The following PTPRT variants were observed in gnomAD, a reference collection of about 807,000 sequenced individuals.
The protein encoded by PTPRT is protein tyrosine phosphatase receptor type T.
In PTPRT, 56 loss-of-function variants were observed where a neutral mutation model predicts 176.8. That is an observed-to-expected ratio of 0.32 (90% CI 0.26 to 0.40). PTPRT has a LOEUF of 0.40. Among genes scored for constraint, PTPRT ranks in the 10% least tolerant of loss-of-function variants. The pLI, the probability that PTPRT is intolerant of heterozygous loss-of-function variation, is 1.00. For synonymous variants in PTPRT, 783 were observed against 739.0 expected (o/e 1.06, Z -0.96); for missense variants, 1,540 against 1,908.2 (o/e 0.81, Z 3.60).
intron 1 of PTPRT, among the ~76,000 whole-genome samples, chr20:43,187,396 AATAAG>A (rs570810227): frequency 4.7e-4 from 72 of 152,310 alleles, no homozygotes; most frequent in African/African-American, 1.5e-3. Context: ...TTAGGAATAA[AATAAG>A]ATAAGTCCAT....
At chr20:42,679,311 A>C (rs80322131) in intron 6 of PTPRT, among the ~76,000 whole-genome samples, 2 of 151,626 alleles carry the variant, frequency 1.3e-5, no homozygotes, top group South Asian at 2.1e-4. Context: ...AAAAAAAAAA[A>C]CTGACAACCT....
intron 11 of PTPRT, among the ~76,000 whole-genome samples, chr20:42,344,084 GA>G (rs1408593612): frequency 6.6e-6 from 1 of 152,112 alleles, no homozygotes; most frequent in Non-Finnish European, 1.5e-5. Context: ...ATTTTTCATA[GA>G]GATGGGTTTA....
intron 7 of PTPRT, among the ~76,000 whole-genome samples, chr20:42,546,270 G>A (rs1290122373): frequency 6.6e-6 from 1 of 152,126 alleles, no homozygotes; most frequent in Non-Finnish European, 1.5e-5. Context: ...ACAAAAAAGG[G>A]GGGAAATAAT....
chr20:43,004,880 C>A (rs910033885), intron 1 of PTPRT, among the ~76,000 whole-genome samples: 12 of 152,098 alleles, frequency 7.9e-5, no homozygotes, highest in African/African-American at 2.7e-4. Flanking sequence ...CAATAGAAAC[C>A]CTAATACATT....
At chr20:42,732,863 G>A (rs1417052271) in intron 6 of PTPRT, among the ~76,000 whole-genome samples, 2 of 152,130 alleles carry the variant, frequency 1.3e-5, no homozygotes, top group Non-Finnish European at 1.5e-5. Flanking sequence ...GAATGCAGAT[G>A]TTCATATTTT....
At chr20:42,780,148 G>A in intron 4 of PTPRT, 70 bp downstream of exon 4, 1 of 1,205,638 alleles carries the variant, frequency 8.3e-7, no homozygotes. Context: ...TGAATGGAAG[G>A]GATTGCAGGC....
At chr20:42,348,178 C>G (rs987805895) in intron 11 of PTPRT, among the ~76,000 whole-genome samples, 2 of 152,066 alleles carry the variant, frequency 1.3e-5, no homozygotes, top group African/African-American at 2.4e-5. Context: ...TCTGTCCTTC[C>G]AGTTGTCCTG....
intron 12 of PTPRT, among the ~76,000 whole-genome samples, chr20:42,290,560 T>A (rs983730865): frequency 2.0e-5 from 3 of 152,116 alleles, no homozygotes; most frequent in African/African-American, 7.2e-5. Context: ...CTGCGTCTGG[T>A]TTTAGCTACT....
intron 7 of PTPRT, among the ~76,000 whole-genome samples, chr20:42,560,805 C>A (rs2072940300): frequency 6.6e-6 from 1 of 152,150 alleles, no homozygotes; most frequent in South Asian, 2.1e-4. Flanking sequence ...AGGCTTCAAG[C>A]ACAATGTGGC....
chr20:42,643,332 A>AT (rs2074806764), intron 7 of PTPRT, among the ~76,000 whole-genome samples: 1 of 151,830 alleles, frequency 6.6e-6, no homozygotes, highest in South Asian at 2.1e-4. Flanking sequence ...TTATTTATTT[A>AT]TTTTTTGAGA....
intron 11 of PTPRT, among the ~76,000 whole-genome samples, chr20:42,338,850 C>A (rs1161644106): frequency 6.6e-6 from 1 of 152,060 alleles, no homozygotes; most frequent in Non-Finnish European, 1.5e-5. Context: ...TCAGACTGAA[C>A]CTCTGAACTG....
At chr20:42,397,398 C>T (rs1439803877) in intron 9 of PTPRT, among the ~76,000 whole-genome samples, 1 of 152,146 alleles carries the variant, frequency 6.6e-6, no homozygotes, top group African/African-American at 2.4e-5. Context: ...GAATCTGTCA[C>T]CCAGGTAGTG....
At chr20:42,259,034 G>A (rs140323275) in intron 13 of PTPRT, among the ~76,000 whole-genome samples, 64 of 152,308 alleles carry the variant, frequency 4.2e-4, no homozygotes, top group African/African-American at 1.5e-3. Context: ...AGTTGCCCTC[G>A]TTTTCGGCCT....
chr20:43,038,711 C>T (rs1986484176), intron 1 of PTPRT, among the ~76,000 whole-genome samples: 1 of 152,070 alleles, frequency 6.6e-6, no homozygotes, highest in Non-Finnish European at 1.5e-5. Context: ...AAGAGCATAA[C>T]TGAAAACTGT....
At chr20:42,613,065 T>C (rs2074001207) in intron 7 of PTPRT, among the ~76,000 whole-genome samples, 1 of 152,246 alleles carries the variant, frequency 6.6e-6, no homozygotes, top group African/African-American at 2.4e-5. Context: ...TTTTCATGTA[T>C]TTTCCACATT....
intron 1 of PTPRT, among the ~76,000 whole-genome samples, chr20:42,908,026 G>A (rs1159008846): frequency 2.0e-5 from 3 of 152,044 alleles, no homozygotes; most frequent in Non-Finnish European, 2.9e-5. Context: ...TCTGAAAGTC[G>A]GTGAAGTACT....
chr20:42,148,514 A>T (rs1988981305), intron 17 of PTPRT, among the ~76,000 whole-genome samples: 1 of 151,998 alleles, frequency 6.6e-6, no homozygotes, highest in Non-Finnish European at 1.5e-5. Context: ...GACCATCTGG[A>T]TGCCAGGTGC....
chr20:42,230,384 C>A (rs995660531), intron 15 of PTPRT, among the ~76,000 whole-genome samples: 13 of 152,174 alleles, frequency 8.5e-5, no homozygotes, highest in Non-Finnish European at 1.5e-5. Context: ...CAGTAAAATA[C>A]CTCTGTTCAA....
downstream of PTPRT, among the ~76,000 whole-genome samples, chr20:42,070,126 T>C (rs1007157215): frequency 5.9e-5 from 9 of 152,126 alleles, no homozygotes; most frequent in African/African-American, 2.2e-4. Context: ...TCCTGTTCTT[T>C]TCTCCTTGCC....
Sources: allele counts gnomAD v4.1 joint callset (sites outside exome capture counted in the v4.1 genomes callset), GRCh38; gene constraint gnomAD v4.1.1; transcripts MANE v1.5; gene names NCBI Gene and HGNC (gene_info 2026-07-23, HGNC 2026-07-21).